Variants in NFATC1 observed in about 807,000 individuals in gnomAD.
NFATC1 encodes the protein nuclear factor of activated T cells 1.
In NFATC1, 22 loss-of-function variants were observed where a neutral mutation model predicts 76.0. The ratio of observed to expected loss-of-function variants is 0.29; its 90% CI spans 0.21 to 0.41. The LOEUF (loss-of-function observed/expected upper bound fraction) is 0.41, where lower values mean the gene tolerates loss of function less well. NFATC1 is among the 10% of genes least tolerant of loss of function. NFATC1 has a pLI of 1.00. For missense variants in NFATC1, 1,357 were observed against 1,337.7 expected (o/e 1.01, Z -0.23); for synonymous variants, 704 against 613.1 (o/e 1.15, Z -2.19).
chr18:79,494,557 A>G (rs11873024), intron 9 of NFATC1, among the ~76,000 whole-genome samples: 1 of 81,172 alleles, frequency 1.2e-5, no homozygotes, highest in Non-Finnish European at 2.5e-5. Context: ...GCCCCCCATG[A>G]ACCTGGTACC....
intron 9 of NFATC1, chr18:79,493,610 C>T (rs530214739): frequency 6.6e-6 from 1 of 152,366 alleles, no homozygotes; most frequent in East Asian, 1.9e-4. Context: ...CCCTCGCCCG[C>T]CCCTCCTGAG....
intron 3 of NFATC1, among the ~76,000 whole-genome samples, chr18:79,436,543 GCGTCCTCCCACGCCCGCTGTCTC>G (rs2086785221): frequency 6.6e-6 from 1 of 152,190 alleles, no homozygotes; most frequent in South Asian, 2.1e-4. Context: ...CCCGGCGTCC[GCGTCCTCCCACGCCCGCTGTCTC>G]CGTCCTCCCC....
chr18:79,467,660 G>A (rs375792768), intron 8 of NFATC1, 78 bp downstream of exon 8: 27 of 1,589,846 alleles, frequency 1.7e-5, no homozygotes, highest in African/African-American at 1.2e-4. Context: ...AAACGACGTC[G>A]CCGTAAAGCA....
intron 8 of NFATC1, among the ~76,000 whole-genome samples, chr18:79,479,409 G>A (rs995634429): frequency 2.0e-5 from 3 of 152,222 alleles, no homozygotes; most frequent in Admixed American, 2.0e-4. Flanking sequence ...AGGCGCTCTT[G>A]CAGACGCTCA....
At chr18:79,412,494 AGG>A (rs752029301) in intron 2 of NFATC1, among the ~76,000 whole-genome samples, 1 of 144,634 alleles carries the variant, frequency 6.9e-6, no homozygotes, top group Non-Finnish European at 1.5e-5. Context: ...GCGAGCACTC[AGG>A]GGGCGAGACC....
rs1021744384 is a variant in NFATC1, at chr18:79,528,995, C to G, written c.*1418C>G. On this transcript the variant is annotated 3_prime_UTR_variant, in exon 10 of 10. Coordinates refer to ENST00000427363, the MANE Select transcript of NFATC1 (RefSeq NM_001278669.2). ...GAATTGCACCTGCGGGTGGAGGCTC[C>G]GGCTGTGAAGTCACTGAACAGAACG... 1.3e-5 allele frequency: 2 copies of G among 152,568 alleles called. No homozygotes were observed. Among genetic ancestry groups the G allele is most frequent in the African/African-American group, 4.8e-5 (2 of 41,452 alleles). 9.5% of individuals were successfully genotyped at this position (152,568 alleles called of 1,614,324 possible). A position where few individuals can be genotyped will look rare whatever the true frequency, so the allele number is the denominator to read the frequency against.
Position 79,467,798 on chromosome 18 carries a change from C to T in NFATC1, c.2092+216C>T, listed in dbSNP as rs533532805. The T allele has an allele frequency of 2.1e-5, 20 of 937,504 alleles. No individual in the cohort carries two copies. The East Asian group carries it at 6.5e-4, about 30-fold the overall frequency. The allele number at this position is 937,504 out of a possible 1,614,324, so 58.1% of individuals were successfully genotyped here. A position where few individuals can be genotyped will look rare whatever the true frequency, so the allele number is the denominator to read the frequency against. On this transcript the variant is annotated intron_variant, in intron 8 of 9. Coordinates refer to ENST00000427363, the MANE Select transcript of NFATC1 (RefSeq NM_001278669.2). ...CTTGATCCCTGTTGGGGGTGGGGGG[C>T]GGGGGTTGCATACTCAGATAGTCAC...
intron 9 of NFATC1, among the ~76,000 whole-genome samples, chr18:79,520,566 T>C (rs118097556): frequency 0.025 from 3,208 of 127,968 alleles, 78 homozygotes; most frequent in Admixed American, 0.049. Context: ...CTAATGTGTG[T>C]CCGTGTGTGT....
intron 1 of NFATC1, among the ~76,000 whole-genome samples, chr18:79,407,642 A>G (rs2148169371): frequency 6.6e-6 from 1 of 152,212 alleles, no homozygotes; most frequent in South Asian, 2.1e-4. Flanking sequence ...ATAGGGTTTC[A>G]TCATGTTGCC....
chr18:79,425,477 G>T (rs895540247), intron 2 of NFATC1, among the ~76,000 whole-genome samples: 2 of 152,234 alleles, frequency 1.3e-5, no homozygotes, highest in Non-Finnish European at 2.9e-5. Flanking sequence ...CGCTTCGTCT[G>T]TCTGGAAACT....
chr18:79,473,515 A>C (rs1600847625), intron 8 of NFATC1, among the ~76,000 whole-genome samples: 2 of 149,538 alleles, frequency 1.3e-5, no homozygotes, highest in African/African-American at 5.0e-5. Context: ...CGTAAACCTG[A>C]GGGAAGCGTG....
At chr18:79,415,533 C>T (rs603435) in intron 2 of NFATC1, among the ~76,000 whole-genome samples, 20,223 of 151,906 alleles carry the variant, frequency 0.13, 1,428 homozygotes, top group Non-Finnish European at 0.17. Flanking sequence ...CCACCCGCCT[C>T]GGCCTCCCAA....
intron 8 of NFATC1, chr18:79,468,078 A>G (rs2088611056): frequency 2.5e-6 from 2 of 799,018 alleles, no homozygotes; most frequent in African/African-American, 1.9e-5. Flanking sequence ...CTCCAGGGGT[A>G]ACTTCATCTC....
chr18:79,499,311 C>T (rs1332897345), intron 9 of NFATC1, among the ~76,000 whole-genome samples: 4 of 151,668 alleles, frequency 2.6e-5, no homozygotes, highest in Non-Finnish European at 5.9e-5. Flanking sequence ...GTTGTAATCT[C>T]CAGAGGAACC....
chr18:79,504,743 G>T (rs927422767), intron 9 of NFATC1, among the ~76,000 whole-genome samples: 3 of 152,254 alleles, frequency 2.0e-5, no homozygotes, highest in Non-Finnish European at 4.4e-5. Flanking sequence ...ATCCACAAAA[G>T]GCGCAGCTCT....
At chr18:79,444,450 T>C (rs150756184) in intron 3 of NFATC1, among the ~76,000 whole-genome samples, 1,507 of 114,916 alleles carry the variant, frequency 0.013, 37 homozygotes, top group African/African-American at 0.062. Context: ...CACGCTGCTC[T>C]GGAGGGAGAC....
Position 79,527,993 on chromosome 18 carries a change from G to C in NFATC1, c.*416G>C. On this transcript the variant is annotated 3_prime_UTR_variant, in exon 10 of 10. Coordinates refer to ENST00000427363, the MANE Select transcript of NFATC1 (RefSeq NM_001278669.2). ...GAGCATTGAATTTGCTACTGTAGGA[G>C]TATTTTTAGGAGCAGAAACTGCAAA... is the stretch of plus-strand genomic sequence containing the variant. The C allele has an allele frequency of 2.4e-6, 1 of 409,016 alleles. No individual in the cohort carries two copies. Among genetic ancestry groups the C allele is most frequent in the East Asian group, 3.5e-5 (1 of 28,790 alleles). 25.3% of individuals were successfully genotyped at this position (409,016 alleles called of 1,614,324 possible). A position where few individuals can be genotyped will look rare whatever the true frequency, so the allele number is the denominator to read the frequency against.
intron 2 of NFATC1, among the ~76,000 whole-genome samples, chr18:79,419,483 CCCTA>C (rs1219008579): frequency 5.5e-5 from 8 of 144,252 alleles, no homozygotes; most frequent in Non-Finnish European, 1.1e-4. Context: ...CCGGGAGCCC[CCCTA>C]GGAGGGCCGG....
rs1063670 is a variant in NFATC1, at chr18:79,411,130, G to A, written c.855G>A (p.Pro285=). The A allele has an allele frequency of 3.4e-3, 5,408 of 1,612,230 alleles. 148 individuals are homozygous for A. In the African/African-American group the frequency reaches 0.062, roughly 18 times the overall value. Residue 285 remains proline (P), a synonymous_variant, in exon 2 of 10, where the codon CCG becomes CCA. Transcript: ENST00000427363. Reference sequence around the variant, plus strand: ...ACTCACCCCACCACTCGCCCACGCCGTCCCCGCACGGCTCCCCGCGGGTCA... The same window carrying A: ...ACTCACCCCACCACTCGCCCACGCCATCCCCGCACGGCTCCCCGCGGGTCA... ...PPYSPHHSPT[P]SPHGSPRVSV...
Sources: gnomAD v4.1 joint callset for allele counts (sites outside exome capture counted in the v4.1 genomes callset) on GRCh38, gnomAD v4.1.1 for gene constraint, MANE v1.5 for transcripts, NCBI Gene and HGNC (gene_info 2026-07-23, HGNC 2026-07-21) for gene names.